Variants in PTPN2 observed in about 807,000 individuals in gnomAD.
PTPN2 encodes the protein tyrosine-protein phosphatase non-receptor type 2.
PTPN2 carries 19 observed loss-of-function variants against 57.3 expected under a neutral mutation model. The ratio of observed to expected loss-of-function variants is 0.33; its 90% CI spans 0.23 to 0.49. The LOEUF is 0.49. Ranked by LOEUF, PTPN2 falls within the 20% of genes least tolerant of loss-of-function variation. The probability of loss-of-function intolerance (pLI) is 0.99; values close to 1 mark genes in which losing one functional copy is unlikely to be tolerated. For synonymous variants in PTPN2, 153 were observed against 164.9 expected, an observed-to-expected ratio of 0.93 and a Z score of 0.55; for missense variants, 358 against 501.1, an observed-to-expected ratio of 0.71 and a Z score of 2.73.
rs1487778361 is a variant in PTPN2 at position 12,793,282 on chromosome 18, TAGAA to T, written c.*992_*995del. 2.5e-5 allele frequency: 24 copies of T among 972,564 alleles called. No individual in the cohort carries two copies. The South Asian group carries it at 3.3e-4, about 14-fold the overall frequency. The allele number at this position is 972,564 out of a possible 1,614,324, so 60.2% of individuals were successfully genotyped here. A position where few individuals can be genotyped will look rare whatever the true frequency, so the allele number is the denominator to read the frequency against. On this transcript the variant is annotated 3_prime_UTR_variant, in exon 9 of 9. Coordinates refer to ENST00000309660, the MANE Select transcript of PTPN2 (RefSeq NM_002828.4). ...CATATAATCATACTATTTATTGAAG[TAGAA>T]AGAAACTGAAAAGTGTTTACTTCAA...
chr18:12,809,301 A>G (rs1006525413), intron 7 of PTPN2, among the ~76,000 whole-genome samples: 7 of 152,214 alleles, frequency 4.6e-5, no homozygotes, highest in Non-Finnish European at 8.8e-5. Context: ...TCTAGAAAAT[A>G]TGTTTCCTGT....
Position 12,794,218 on chromosome 18 carries a change from T to TA in PTPN2, c.*59dup. The TA allele has an allele frequency of 6.2e-7, 1 of 1,604,356 alleles. No individual in the cohort carries two copies. The highest frequency in any genetic ancestry group is 8.5e-7 in the Non-Finnish European group (1 of 1,175,692). ...GAGGCGTTTGCTGCAGACAAACCCC[T>TA]ATGATTAATGTAGCACTGTCAGTTA... On this transcript the variant is annotated 3_prime_UTR_variant, in exon 9 of 9. Coordinates refer to ENST00000309660, the MANE Select transcript of PTPN2 (RefSeq NM_002828.4).
chr18:12,826,689 C>A (rs2042472619), intron 4 of PTPN2, among the ~76,000 whole-genome samples: 1 of 152,072 alleles, frequency 6.6e-6, no homozygotes. Context: ...CTGCCTCAGC[C>A]TTCTGAGCAG....
At chr18:12,858,829 G>T (rs622717) in intron 2 of PTPN2, among the ~76,000 whole-genome samples, 1 of 152,030 alleles carries the variant, frequency 6.6e-6, no homozygotes, top group South Asian at 2.1e-4. Flanking sequence ...CTTACAAAGG[G>T]GATGGAATGA....
chr18:12,884,003 A>G, intron 1 of PTPN2, 70 bp downstream of exon 1: 2 of 1,350,244 alleles, frequency 1.5e-6, no homozygotes, highest in East Asian at 2.7e-5. Context: ...GGCGGGAGGG[A>G]CCCTGCGGAC....
intron 2 of PTPN2, among the ~76,000 whole-genome samples, chr18:12,858,611 T>C (rs579052): frequency 0.74 from 111,810 of 152,102 alleles, 43,155 homozygotes; most frequent in Middle Eastern, 0.86. Context: ...CAAATGAGTA[T>C]GTGGCAAGAT....
At chr18:12,794,877 C>A (rs59691555) in intron 8 of PTPN2, among the ~76,000 whole-genome samples, 1 of 152,256 alleles carries the variant, frequency 6.6e-6, no homozygotes, top group African/African-American at 2.4e-5. Context: ...CCCGCCTTGG[C>A]CTCCCAAAGT....
At chr18:12,798,747 A>C (rs2041290182) in intron 8 of PTPN2, among the ~76,000 whole-genome samples, 3 of 152,110 alleles carry the variant, frequency 2.0e-5, no homozygotes, top group Admixed American at 2.0e-4. Flanking sequence ...CAGTACAATG[A>C]TTTATATTCT....
intron 2 of PTPN2, among the ~76,000 whole-genome samples, chr18:12,855,875 CAAAGT>C (rs2043571156): frequency 6.6e-6 from 1 of 152,136 alleles, no homozygotes; most frequent in African/African-American, 2.4e-5. Flanking sequence ...GGTTAGAGGA[CAAAGT>C]AATATGCTTC....
intron 1 of PTPN2, chr18:12,883,541 C>G (rs564793612): frequency 1.3e-5 from 2 of 152,142 alleles, no homozygotes; most frequent in African/African-American, 4.8e-5. Flanking sequence ...CCTGCGCGGG[C>G]GCCAGCTGGA....
intron 1 of PTPN2, among the ~76,000 whole-genome samples, chr18:12,872,624 A>C (rs948833920): frequency 4.6e-5 from 7 of 152,292 alleles, no homozygotes; most frequent in African/African-American, 1.7e-4. Context: ...TTCTTATCCT[A>C]GGGATCACCA....
chr18:12,872,320 T>C (rs1280856133), intron 1 of PTPN2: 1 of 152,012 alleles, frequency 6.6e-6, no homozygotes, highest in Non-Finnish European at 1.5e-5. Context: ...TCAAATATAG[T>C]GAAAGAAGAA....
chr18:12,856,561 A>G (rs2043595659), intron 2 of PTPN2, among the ~76,000 whole-genome samples: 3 of 152,176 alleles, frequency 2.0e-5, no homozygotes, highest in African/African-American at 7.2e-5. Context: ...GAAGGCATAC[A>G]GGAAGAGCCT....
chr18:12,821,193 GT>G (rs2042258414), intron 5 of PTPN2: 1 of 151,614 alleles, frequency 6.6e-6, no homozygotes, highest in African/African-American at 2.4e-5. Flanking sequence ...TCTGTCATCT[GT>G]AAATAGGGTT....
chr18:12,863,005 A>T (rs888128070), intron 1 of PTPN2, among the ~76,000 whole-genome samples: 1 of 152,152 alleles, frequency 6.6e-6, no homozygotes, highest in African/African-American at 2.4e-5. Context: ...AAAAATAAAC[A>T]ATTTTATAAG....
At chr18:12,867,990 G>GTGAATACACACATCAGT (rs2044049559) in intron 1 of PTPN2, among the ~76,000 whole-genome samples, 1 of 152,148 alleles carries the variant, frequency 6.6e-6, no homozygotes, top group Non-Finnish European at 1.5e-5. Flanking sequence ...TTTACAGAAA[G>GTGAATACACACATCAGT]TGAATACACA....
rs142845940 is a variant in PTPN2, at chr18:12,805,923, G to A, written c.859-3772C>T. On this transcript the variant is annotated intron_variant, in intron 7 of 8. Transcript: ENST00000309660. ...GATTACAGGCATGAGCCACCGCACC[G>A]GGCTAGGATGCCCACTTTCAACACT... Among the ~76,000 whole-genome samples the A allele has an allele frequency of 9.6e-4, 146 of 151,976 alleles. 2 individuals carry two copies. In the East Asian group the frequency reaches 0.022, roughly 22 times the overall value.
chr18:12,827,868 A>G (rs2042534321), intron 4 of PTPN2, among the ~76,000 whole-genome samples: 1 of 152,146 alleles, frequency 6.6e-6, no homozygotes, highest in South Asian at 2.1e-4. Context: ...TTCAACAAAT[A>G]TTTCTTTAAC....
At chr18:12,845,081 G>A (rs2043169048) in intron 2 of PTPN2, among the ~76,000 whole-genome samples, 1 of 152,178 alleles carries the variant, frequency 6.6e-6, no homozygotes, top group South Asian at 2.1e-4. Flanking sequence ...TTAAAACTAG[G>A]TAGAGTGATT....
Sources: allele counts gnomAD v4.1 joint callset (sites outside exome capture counted in the v4.1 genomes callset), GRCh38; gene constraint gnomAD v4.1.1; transcripts MANE v1.5; gene names NCBI Gene and HGNC (gene_info 2026-07-23, HGNC 2026-07-21).